TMEM143: variants seen among roughly 807,000 people sequenced by gnomAD.
The protein encoded by TMEM143 is transmembrane protein 143.
In TMEM143, 45 loss-of-function variants were observed where a neutral mutation model predicts 40.3. The observed-to-expected ratio is 1.12, with a 90% confidence interval of 0.88 to 1.43. The LOEUF is 1.43. TMEM143 is among the 40% of genes most tolerant of loss of function. TMEM143 has a pLI of 0.00. For missense variants in TMEM143, 620 were observed against 613.4 expected, an observed-to-expected ratio of 1.01 and a Z score of -0.11; for synonymous variants, 299 against 282.7, an observed-to-expected ratio of 1.06 and a Z score of -0.58.
chr19:48,343,546 C>T lies in TMEM143; in HGVS notation c.565-95G>A, dbSNP rs1324297345. ...TCAGATGTCCTGCCCCTAAATAATT[C>T]CCCCGTTTCCCACTTATCCCCATTC... On this transcript the variant is annotated intron_variant, in intron 4 of 7. Coordinates refer to ENST00000293261, the MANE Select transcript of TMEM143 (RefSeq NM_018273.4). 4 of 1,446,572 alleles carry T rather than the reference C, an allele frequency of 2.8e-6. No homozygotes were observed. The African/African-American group carries it at 4.3e-5, about 15-fold the overall frequency. 89.6% of individuals were successfully genotyped at this position (1,446,572 alleles called of 1,614,324 possible). A position where few individuals can be genotyped will look rare whatever the true frequency, so the allele number is the denominator to read the frequency against.
chr19:48,363,578 A>G, intron 1 of TMEM143, 47 bp from the exon 2 acceptor site: 1 of 1,550,502 alleles, frequency 6.4e-7, no homozygotes. Context: ...CTAGAGGAAA[A>G]GCGCCCTCTC....
At position 48,342,550 on chromosome 19, in the gene TMEM143, T is replaced by C; in HGVS notation, c.955A>G (p.Met319Val). The C allele has an allele frequency of 6.2e-7, 1 of 1,610,630 alleles. No individual in the cohort carries two copies. Among genetic ancestry groups the C allele is most frequent in the Non-Finnish European group, 8.5e-7 (1 of 1,179,142 alleles). ...SLLLLLFAIF[M>V]GLRASKMFGQ... ...CTCACCTTGGAGGCCCGCAGGCCCA[T>C]GAAGATGGCGAAGAGCAGCAGCAGC... The change falls in exon 6 of 8, where the codon ATG (methionine) becomes GTG (valine). Residue 319 changes from methionine to valine, a missense_variant. By Grantham distance (21) the Met-to-Val change is conservative. Transcript: ENST00000293261.
At chr19:48,343,258 A>G in intron 5 of TMEM143, 63 bp downstream of exon 5, 1 of 1,551,410 alleles carries the variant, frequency 6.4e-7, no homozygotes, top group Middle Eastern at 2.4e-4. Flanking sequence ...CTGACCTGTC[A>G]GTCCCCTCTT....
At position 48,363,291 on chromosome 19, in the gene TMEM143, C is replaced by A; in HGVS notation, c.264G>T (p.Gln88His). 2 of 1,612,798 alleles carry A rather than the reference C, an allele frequency of 1.2e-6. No individual in the cohort carries two copies. The highest frequency in any genetic ancestry group is 2.2e-5 in the South Asian group (2 of 91,020). ...SKEQLLRLLI[Q>H]EFHSSPAEKA... ...CTCTTGGGCCTGGGACAGGCGGTAC[C>A]TGTATTAGGAGGCGGAGCAGCTGCT... Residue 88 changes from glutamine (Q) to histidine (H), a missense_variant and splice_region_variant, in exon 2 of 8, where the codon CAG (glutamine) becomes CAT (histidine). Physicochemically the swap from Gln to His is conservative, Grantham distance 24 (BLOSUM62 0). Transcript: ENST00000293261.
At chr19:48,350,440 C>T (rs1969740443) in intron 3 of TMEM143, among the ~76,000 whole-genome samples, 1 of 152,068 alleles carries the variant, frequency 6.6e-6, no homozygotes, top group African/African-American at 2.4e-5. Flanking sequence ...TCTGTTATCC[C>T]CCTGCAGGGC....
At chr19:48,359,810 C>T (rs1431634028) in intron 3 of TMEM143, 4 of 385,194 alleles carry the variant, frequency 1.0e-5, no homozygotes, top group East Asian at 5.7e-5. Context: ...CCCGACCCAT[C>T]TCATCCCTCT....
chr19:48,346,206 C>T (rs1157056663), intron 3 of TMEM143, among the ~76,000 whole-genome samples: 2 of 152,114 alleles, frequency 1.3e-5, no homozygotes, highest in African/African-American at 2.4e-5. Flanking sequence ...GTTCTCCTGC[C>T]TCAGCCTCCT....
At chr19:48,345,009 A>G in intron 4 of TMEM143, 151 bp downstream of exon 4, 1 of 827,894 alleles carries the variant, frequency 1.2e-6, no homozygotes, top group Non-Finnish European at 1.8e-6. Context: ...CATCCAGCCA[A>G]AAGTAGCCCC....
intron 3 of TMEM143, among the ~76,000 whole-genome samples, chr19:48,353,346 AT>A (rs967131983): frequency 4.0e-5 from 6 of 148,676 alleles, no homozygotes; most frequent in Non-Finnish European, 7.5e-5. Context: ...TGCCCAGCTA[AT>A]TTTTTTTTTG....
chr19:48,354,249 G>A (rs186867843), intron 3 of TMEM143, among the ~76,000 whole-genome samples: 20 of 142,526 alleles, frequency 1.4e-4, no homozygotes, highest in African/African-American at 3.7e-4. Flanking sequence ...GTGAGCCACC[G>A]CGCCCAGACT....
At position 48,357,417 on chromosome 19, in the gene TMEM143, A is replaced by G. The variant is rs187364114; in HGVS notation, c.369+2655T>C. On this transcript the variant is annotated intron_variant, in intron 3 of 7. Transcript: ENST00000293261. Reference sequence around the variant, plus strand: ...TCGCCCAGCTGGAGTGCGGTGGCGCAATCTTGGCTCACTGCAAGCTCCGCC... The same window carrying G: ...TCGCCCAGCTGGAGTGCGGTGGCGCGATCTTGGCTCACTGCAAGCTCCGCC... Among the ~76,000 whole-genome samples, 10 of 137,538 alleles carry G rather than the reference A, an allele frequency of 7.3e-5. No homozygotes were observed. In the East Asian group the frequency reaches 2.2e-3, roughly 30 times the overall value. 90.2% of individuals were successfully genotyped at this position (137,538 alleles called of 152,430 possible). A position where few individuals can be genotyped will look rare whatever the true frequency, so the allele number is the denominator to read the frequency against.
Position 48,363,547 on chromosome 19 carries a change from T to A in TMEM143, c.24-16A>T. 1 of 1,587,246 alleles carries A rather than the reference T, an allele frequency of 6.3e-7. No homozygotes were observed. The highest frequency in any genetic ancestry group is 8.6e-7 in the Non-Finnish European group (1 of 1,165,810). On this transcript the variant is annotated splice_polypyrimidine_tract_variant and intron_variant, in intron 1 of 7. Transcript: ENST00000293261. The stretch of plus-strand genomic sequence containing the variant: ...TCCCCGGAGCCTAAACAGAGGAAAA[T>A]GGGCAGGGGTCAAAGGCCATCTAGA...
intron 3 of TMEM143, among the ~76,000 whole-genome samples, chr19:48,355,316 A>G (rs920744151): frequency 6.6e-6 from 1 of 152,142 alleles, no homozygotes; most frequent in Non-Finnish European, 1.5e-5. Context: ...CAGACAAGAC[A>G]TACCAAGCCC....
intron 3 of TMEM143, among the ~76,000 whole-genome samples, chr19:48,349,997 A>AT (rs71181679): frequency 0.73 from 79,096 of 109,028 alleles, 30,308 homozygotes; most frequent in East Asian, 0.82. Flanking sequence ...TCTACATTTA[A>AT]TTTTTTTTTT....
rs1219643907 is a variant in TMEM143 at position 48,342,771 on chromosome 19, T to C, written c.734A>G (p.Lys245Arg). The C allele has an allele frequency of 1.2e-6, 2 of 1,611,240 alleles. No homozygotes were observed. Among genetic ancestry groups the C allele is most frequent in the African/African-American group, 1.3e-5 (1 of 74,872 alleles). Residue 245 changes from lysine (K) to arginine (R), a missense_variant, in exon 6 of 8, where the codon AAA becomes AGA. Coordinates refer to ENST00000293261, the MANE Select transcript of TMEM143 (RefSeq NM_018273.4). Reference sequence around the variant, plus strand: ...ACTCTTCAGTACCAGGTGTCCCCGTTTGGTCCGGGCTGCCAGGACCACCCG... The same window carrying C: ...ACTCTTCAGTACCAGGTGTCCCCGTCTGGTCCGGGCTGCCAGGACCACCCG... ...FKRVVLAART[K>R]RGHLVLKSFK... is the part of the protein sequence containing the mutation.
chr19:48,347,583 G>A (rs913666597), intron 3 of TMEM143, among the ~76,000 whole-genome samples: 5 of 142,228 alleles, frequency 3.5e-5, no homozygotes, highest in Non-Finnish European at 7.5e-5. Flanking sequence ...TTGAGACAGA[G>A]TCTCGCTCTG....
intron 4 of TMEM143, 113 bp downstream of exon 4, chr19:48,345,047 T>G: frequency 8.6e-7 from 1 of 1,167,896 alleles, no homozygotes. Flanking sequence ...GTGCGCCATA[T>G]GGGCCACAGT....
intron 5 of TMEM143, chr19:48,343,071 T>G: frequency 1.5e-6 from 1 of 670,904 alleles, no homozygotes; most frequent in Non-Finnish European, 2.5e-6. Context: ...TGGACCTCCC[T>G]CTCCGAGCCT....
chr19:48,361,779 G>A (rs562601763), intron 2 of TMEM143, among the ~76,000 whole-genome samples: 1 of 151,544 alleles, frequency 6.6e-6, no homozygotes, highest in Admixed American at 6.6e-5. Context: ...TGCCCGCCTC[G>A]GCCTCCCAAA....
Sources: allele counts gnomAD v4.1 joint callset (sites outside exome capture counted in the v4.1 genomes callset), GRCh38; gene constraint gnomAD v4.1.1; transcripts MANE v1.5; gene names NCBI Gene and HGNC (gene_info 2026-07-23, HGNC 2026-07-21).